Variants in TLR4 observed in about 807,000 individuals in gnomAD.
TLR4 encodes toll-like receptor 4.
TLR4 carries 17 observed loss-of-function variants against 27.4 expected under a neutral mutation model. The ratio of observed to expected loss-of-function variants is 0.62; its 90% CI spans 0.42 to 0.93. The LOEUF (loss-of-function observed/expected upper bound fraction) is 0.93, where lower values mean the gene tolerates loss of function less well. Ranked by LOEUF, TLR4 falls within the 40% of genes least tolerant of loss-of-function variation. The pLI is 0.00. For missense variants in TLR4, 926 were observed against 962.3 expected (o/e 0.96, Z 0.50); for synonymous variants, 363 against 365.7 (o/e 0.99, Z 0.08).
chr9:117,723,378 G>A lies in TLR4; in HGVS notation c.*8730G>A, dbSNP rs1829443806. The A allele has an allele frequency of 6.6e-6, 1 of 152,164 alleles. No individual in the cohort carries two copies. Among genetic ancestry groups the A allele is most frequent in the Non-Finnish European group, 1.5e-5 (1 of 68,018 alleles). The allele number at this position is 152,164 out of a possible 1,614,324, so 9.4% of individuals were successfully genotyped here. On this transcript the variant is annotated 3_prime_UTR_variant, in exon 3 of 3. Coordinates refer to ENST00000355622, the MANE Select transcript of TLR4 (RefSeq NM_138554.5). ...AACCCCATTGAGTTATAGGTGAAAG[G>A]CTGTGGAAACAAGACATTGATAGTG...
chr9:117,724,625 T>C lies in TLR4; in HGVS notation c.*9977T>C, dbSNP rs1829458051. ...AGATCTGTGTTCTGATCCTGTCTTA[T>C]GGTATCTGTCTTGTTTGTCTCGGCT... is the stretch of plus-strand genomic sequence containing the variant. On this transcript the variant is annotated 3_prime_UTR_variant, in exon 3 of 3. Transcript: ENST00000355622. The C allele has an allele frequency of 6.6e-6, 1 of 152,214 alleles. No individual in the cohort carries two copies. The highest frequency in any genetic ancestry group is 2.4e-5 in the African/African-American group (1 of 41,446). The allele number at this position is 152,214 out of a possible 1,614,324, so 9.4% of individuals were successfully genotyped here. A position where few individuals can be genotyped will look rare whatever the true frequency, so the allele number is the denominator to read the frequency against.
In TLR4 at chr9:117,714,185, A is replaced by G; in HGVS notation, c.2057A>G (p.Asp686Gly). 6.2e-7 allele frequency: 1 copy of G among 1,613,570 alleles called. No individual in the cohort carries two copies. The highest frequency in any genetic ancestry group is 8.5e-7 in the Non-Finnish European group (1 of 1,179,574). The change falls in exon 3 of 3, where the codon GAC (aspartate) becomes GGC (glycine). Residue 686 changes from aspartate (D) to glycine (G), a missense_variant. Transcript: ENST00000355622. ...GTTATCTACTCAAGCCAGGATGAGG[A>G]CTGGGTAAGGAATGAGCTAGTAAAG... ...AFVIYSSQDE[D>G]WVRNELVKNL...
chr9:117,708,688 C>T lies in TLR4; in HGVS notation c.219C>T (p.Ser73=), dbSNP rs147453131. The change falls in exon 2 of 3, where the codon AGC becomes AGT. Residue 73 remains serine (S), a synonymous_variant. Coordinates refer to ENST00000355622, the MANE Select transcript of TLR4 (RefSeq NM_138554.5). ...FNPLRHLGSY[S]FFSFPELQVL... ...CCCTGAGGCATTTAGGCAGCTATAGCTTCTTCAGTTTCCCAGAACTGCAGG... is the reference window on the plus strand; with the variant it reads ...CCCTGAGGCATTTAGGCAGCTATAGTTTCTTCAGTTTCCCAGAACTGCAGG... 3.1e-6 allele frequency: 5 copies of T among 1,613,920 alleles called. No homozygotes were observed. Among genetic ancestry groups the T allele is most frequent in the South Asian group, 1.1e-5 (1 of 91,082 alleles).
intron 2 of TLR4, chr9:117,709,116 A>G: frequency 4.6e-6 from 1 of 215,560 alleles, no homozygotes. Context: ...AAGGAGGCAT[A>G]TCTTCTTGAA....
rs1408081121 is a variant in TLR4 at position 117,723,674 on chromosome 9, A to G, written c.*9026A>G. ...CTCAAGAATATCTTCCATTTTGCCT[A>G]CATATTCCAAAAGCTTTTAAATTAA... On this transcript the variant is annotated 3_prime_UTR_variant, in exon 3 of 3. Transcript: ENST00000355622. 6.6e-6 allele frequency: 1 copy of G among 152,172 alleles called. No individual in the cohort carries two copies. Among genetic ancestry groups the G allele is most frequent in the Non-Finnish European group, 1.5e-5 (1 of 68,024 alleles). 9.4% of individuals were successfully genotyped at this position (152,172 alleles called of 1,614,324 possible).
Position 117,719,262 on chromosome 9 carries a change from GA to G in TLR4, c.*4616del, listed in dbSNP as rs1186721698. 6.6e-6 allele frequency: 1 copy of G among 152,134 alleles called. No homozygotes were observed. Among genetic ancestry groups the G allele is most frequent in the Non-Finnish European group, 1.5e-5 (1 of 68,026 alleles). The allele number at this position is 152,134 out of a possible 1,614,324, so 9.4% of individuals were successfully genotyped here. A position where few individuals can be genotyped will look rare whatever the true frequency, so the allele number is the denominator to read the frequency against. ...TGCTATCTCAGTTTGTCACATCAAT[GA>G]ATTAGAAAGATACGAAAGTATTTCC... On this transcript the variant is annotated 3_prime_UTR_variant, in exon 3 of 3. Transcript: ENST00000355622.
Position 117,715,653 on chromosome 9 carries a change from G to T in TLR4, c.*1005G>T, listed in dbSNP as rs1829332952. The T allele has an allele frequency of 6.6e-6, 1 of 152,140 alleles. No homozygotes were observed. Among genetic ancestry groups the T allele is most frequent in the Non-Finnish European group, 1.5e-5 (1 of 68,032 alleles). 9.4% of individuals were successfully genotyped at this position (152,140 alleles called of 1,614,324 possible). On this transcript the variant is annotated 3_prime_UTR_variant, in exon 3 of 3. Transcript: ENST00000355622. ...TAAACCCGGGGTGACCTCATGAAAT[G>T]AGTTGCAGCAGAAGTTTATTTTTTT...
chr9:117,708,670 G>A lies in TLR4; in HGVS notation c.201G>A (p.Arg67=). The A allele has an allele frequency of 6.2e-7, 1 of 1,613,896 alleles. No homozygotes were observed. The highest frequency in any genetic ancestry group is 8.5e-7 in the Non-Finnish European group (1 of 1,179,856). ...TGGACCTGAGCTTTAATCCCCTGAG[G>A]CATTTAGGCAGCTATAGCTTCTTCA... ...KNLDLSFNPL[R]HLGSYSFFSF... is the part of the protein sequence containing the mutation. The change falls in exon 2 of 3, where the codon AGG becomes AGA. Residue 67 remains arginine (R), a synonymous_variant. Coordinates refer to ENST00000355622, the MANE Select transcript of TLR4 (RefSeq NM_138554.5).
At position 117,716,266 on chromosome 9, in the gene TLR4, T is replaced by C. The variant is rs1829345607; in HGVS notation, c.*1618T>C. Reference sequence around the variant, plus strand: ...GAAAATATTTACACTCCCATGTTCATTGTGGCACTCTTCACAATCACTGTT... The same window carrying C: ...GAAAATATTTACACTCCCATGTTCACTGTGGCACTCTTCACAATCACTGTT... On this transcript the variant is annotated 3_prime_UTR_variant, in exon 3 of 3. Transcript: ENST00000355622. The C allele has an allele frequency of 6.6e-6, 1 of 152,220 alleles. No individual in the cohort carries two copies. The highest frequency in any genetic ancestry group is 2.4e-5 in the African/African-American group (1 of 41,456). 9.4% of individuals were successfully genotyped at this position (152,220 alleles called of 1,614,324 possible).
Position 117,719,257 on chromosome 9 carries a change from T to A in TLR4, c.*4609T>A, listed in dbSNP as rs556744298. ...ATTTGTGCTATCTCAGTTTGTCACA[T>A]CAATGAATTAGAAAGATACGAAAGT... On this transcript the variant is annotated 3_prime_UTR_variant, in exon 3 of 3. Coordinates refer to ENST00000355622, the MANE Select transcript of TLR4 (RefSeq NM_138554.5). The A allele has an allele frequency of 6.6e-6, 1 of 152,330 alleles. No individual in the cohort carries two copies. Among genetic ancestry groups the A allele is most frequent in the South Asian group, 2.1e-4 (1 of 4,824 alleles). The allele number at this position is 152,330 out of a possible 1,614,324, so 9.4% of individuals were successfully genotyped here. A position where few individuals can be genotyped will look rare whatever the true frequency, so the allele number is the denominator to read the frequency against.
rs1053260510 is a variant in TLR4 at position 117,713,879 on chromosome 9, C to T, written c.1751C>T (p.Thr584Ile). The change falls in exon 3 of 3, where the codon ACT becomes ATT. Residue 584 changes from threonine to isoleucine, a missense_variant. Coordinates refer to ENST00000355622, the MANE Select transcript of TLR4 (RefSeq NM_138554.5). ...CTTACTCAGAATGACTTTGCTTGTA[C>T]TTGTGAACACCAGAGTTTCCTGCAA... ...LNLTQNDFACTCEHQSFLQWI... is the reference protein window; with the variant it reads ...LNLTQNDFACICEHQSFLQWI... The T allele has an allele frequency of 6.2e-7, 1 of 1,613,892 alleles. No individual in the cohort carries two copies. The highest frequency in any genetic ancestry group is 1.3e-5 in the African/African-American group (1 of 74,904).
chr9:117,704,452 A>C lies in TLR4; in HGVS notation c.-21A>C, dbSNP rs371586240. ...TCACAGGGCCACTGCTGCTCACAGA[A>C]GCAGTGAGGATGATGCCAGGATGAT... On this transcript the variant is annotated 5_prime_UTR_variant, in exon 1 of 3. Coordinates refer to ENST00000355622, the MANE Select transcript of TLR4 (RefSeq NM_138554.5). 8 of 1,607,534 alleles carry C rather than the reference A, an allele frequency of 5.0e-6. No homozygotes were observed. In the African/African-American group the frequency reaches 1.1e-4, roughly 21 times the overall value.
At position 117,713,996 on chromosome 9, in the gene TLR4, T is replaced by G; in HGVS notation, c.1868T>G (p.Leu623Trp). 6.2e-7 allele frequency: 1 copy of G among 1,613,978 alleles called. No individual in the cohort carries two copies. Among genetic ancestry groups the G allele is most frequent in the Non-Finnish European group, 8.5e-7 (1 of 1,179,990 alleles). ...AAGCAGGGCATGCCTGTGCTGAGTT[T>G]GAATATCACCTGTCAGATGAATAAG... ...SDKQGMPVLS[L>W]NITCQMNKTI... Residue 623 changes from leucine to tryptophan, a missense_variant, in exon 3 of 3, where the codon TTG (leucine) becomes TGG (tryptophan). Transcript: ENST00000355622.
chr9:117,714,212 A>G lies in TLR4; in HGVS notation c.2084A>G (p.Asn695Ser). ...TGGGTAAGGAATGAGCTAGTAAAGA[A>G]TTTAGAAGAAGGGGTGCCTCCATTT... ...EDWVRNELVKNLEEGVPPFQL... is the reference protein window; with the variant it reads ...EDWVRNELVKSLEEGVPPFQL... The change falls in exon 3 of 3, where the codon AAT becomes AGT. Residue 695 changes from asparagine (N) to serine (S), a missense_variant. Transcript: ENST00000355622. 1 of 1,607,324 alleles carries G rather than the reference A, an allele frequency of 6.2e-7. No individual in the cohort carries two copies.
At position 117,713,644 on chromosome 9, in the gene TLR4, T is replaced by G; in HGVS notation, c.1516T>G (p.Cys506Gly). 1 of 1,614,124 alleles carries G rather than the reference T, an allele frequency of 6.2e-7. No individual in the cohort carries two copies. The highest frequency in any genetic ancestry group is 1.3e-5 in the African/African-American group (1 of 75,050). Residue 506 changes from cysteine (C) to glycine (G), a missense_variant, in exon 3 of 3, where the codon TGT (cysteine) becomes GGT (glycine). Coordinates refer to ENST00000355622, the MANE Select transcript of TLR4 (RefSeq NM_138554.5). ...RNLTFLDLSQCQLEQLSPTAF... is the reference protein window; with the variant it reads ...RNLTFLDLSQGQLEQLSPTAF... The stretch of plus-strand genomic sequence containing the variant: ...CTTGACCTTCCTGGACCTCTCTCAG[T>G]GTCAACTGGAGCAGTTGTCTCCAAC...
At chr9:117,705,038 A>G (rs562577316) in intron 1 of TLR4, among the ~76,000 whole-genome samples, 1 of 152,258 alleles carries the variant, frequency 6.6e-6, no homozygotes, top group South Asian at 2.1e-4. Flanking sequence ...TAGAGAAAGA[A>G]CTTTCTAAGT....
chr9:117,709,603 A>T (rs992072705), intron 2 of TLR4, among the ~76,000 whole-genome samples: 1 of 152,188 alleles, frequency 6.6e-6, no homozygotes, highest in Non-Finnish European at 1.5e-5. Context: ...ATCGAACTAG[A>T]TAATGGATCA....
Position 117,713,651 on chromosome 9 carries a change from T to C in TLR4, c.1523T>C (p.Leu508Pro). ...LTFLDLSQCQ[L>P]EQLSPTAFNS... ...TTCCTGGACCTCTCTCAGTGTCAACTGGAGCAGTTGTCTCCAACAGCATTT... is the reference window on the plus strand; with the variant it reads ...TTCCTGGACCTCTCTCAGTGTCAACCGGAGCAGTTGTCTCCAACAGCATTT... The change falls in exon 3 of 3, where the codon CTG becomes CCG. Residue 508 changes from leucine to proline, a missense_variant. Physicochemically the swap from Leu to Pro is moderately conservative, Grantham distance 98. Transcript: ENST00000355622. 9.9e-6 allele frequency: 16 copies of C among 1,614,120 alleles called. No homozygotes were observed. The highest frequency in any genetic ancestry group is 1.4e-5 in the Non-Finnish European group (16 of 1,180,020).
At position 117,713,633 on chromosome 9, in the gene TLR4, A is replaced by G. The variant is rs1829283614; in HGVS notation, c.1505A>G (p.Asp502Gly). Residue 502 changes from aspartate (D) to glycine (G), a missense_variant, in exon 3 of 3, where the codon GAC becomes GGC. By Grantham distance (94) the Asp-to-Gly change is moderately conservative. Transcript: ENST00000355622. ...GAGCTGAGAAACTTGACCTTCCTGG[A>G]CCTCTCTCAGTGTCAACTGGAGCAG... is the stretch of plus-strand genomic sequence containing the variant. ...FTELRNLTFL[D>G]LSQCQLEQLS... 6.2e-7 allele frequency: 1 copy of G among 1,613,762 alleles called. No individual in the cohort carries two copies.
Sources: gnomAD v4.1 joint callset for allele counts (sites outside exome capture counted in the v4.1 genomes callset) on GRCh38, gnomAD v4.1.1 for gene constraint, MANE v1.5 for transcripts, NCBI Gene and HGNC (gene_info 2026-07-23, HGNC 2026-07-21) for gene names.